The following SRD5A2 variants were observed in gnomAD, a reference collection of about 807,000 sequenced individuals.
SRD5A2 encodes steroid 5 alpha-reductase 2.
A neutral mutation model predicts 27.4 loss-of-function variants in SRD5A2; 30 were observed. The observed-to-expected ratio is 1.10, with a 90% confidence interval of 0.82 to 1.49. The LOEUF (loss-of-function observed/expected upper bound fraction) is 1.49, where lower values mean the gene tolerates loss of function less well. Among genes scored for constraint, SRD5A2 ranks in the 40% most tolerant of loss-of-function variants. SRD5A2 has a pLI of 0.00. For synonymous variants in SRD5A2, 141 were observed against 133.6 expected, an observed-to-expected ratio of 1.06 and a Z score of -0.38; for missense variants, 348 against 323.4, an observed-to-expected ratio of 1.08 and a Z score of -0.58.
At chr2:31,606,153 G>A in the SRD5A2 span, among the ~76,000 whole-genome samples, 1 of 151,870 alleles carries the variant, frequency 6.6e-6, no homozygotes, top group Non-Finnish European at 1.5e-5. Flanking sequence ...AGGCTGGGAA[G>A]GGTAGTGGGT....
At chr2:31,628,477 G>C in the SRD5A2 span, among the ~76,000 whole-genome samples, 1 of 152,036 alleles carries the variant, frequency 6.6e-6, no homozygotes, top group Non-Finnish European at 1.5e-5. Flanking sequence ...TGCATTCAAG[G>C]TTAGTATTGA....
Position 31,572,884 on chromosome 2 carries a change from C to A in SRD5A2, c.281+7736G>T, listed in dbSNP as rs533311929. Among the ~76,000 whole-genome samples the A allele has an allele frequency of 8.7e-4, 132 of 151,716 alleles. 1 individual carries two copies. Among genetic ancestry groups the A allele is most frequent in the African/African-American group, 2.9e-3 (122 of 41,366 alleles). ...TAGGATCAGCCTTAACAATATGGAG[C>A]AAATATTAAAAAAAAGAAATTGAAA... On this transcript the variant is annotated intron_variant, in intron 1 of 4. Coordinates refer to ENST00000622030, the MANE Select transcript of SRD5A2 (RefSeq NM_000348.4).
At chr2:31,654,263 G>A in the SRD5A2 span, among the ~76,000 whole-genome samples, 1 of 152,146 alleles carries the variant, frequency 6.6e-6, no homozygotes, top group Non-Finnish European at 1.5e-5. Context: ...AAAGTAGCAA[G>A]AGCCCAGCAG....
At chr2:31,578,819 G>T (rs976311219) in intron 1 of SRD5A2, among the ~76,000 whole-genome samples, 13 of 151,854 alleles carry the variant, frequency 8.6e-5, no homozygotes, top group Admixed American at 3.3e-4. Flanking sequence ...ATAATGTATT[G>T]TGCAAAGTGC....
the SRD5A2 span, among the ~76,000 whole-genome samples, chr2:31,662,284 T>G: frequency 6.6e-6 from 1 of 152,132 alleles, no homozygotes; most frequent in Non-Finnish European, 1.5e-5. Flanking sequence ...ACTCTGAACT[T>G]GTGAAGACTT....
At chr2:31,650,672 C>A in the SRD5A2 span, among the ~76,000 whole-genome samples, 1 of 152,154 alleles carries the variant, frequency 6.6e-6, no homozygotes, top group Non-Finnish European at 1.5e-5. Flanking sequence ...CTAGTTTTGC[C>A]AGCACTAAAA....
the SRD5A2 span, among the ~76,000 whole-genome samples, chr2:31,611,600 A>G: frequency 2.0e-5 from 3 of 152,212 alleles, no homozygotes; most frequent in African/African-American, 2.4e-5. Flanking sequence ...AGTGCTCAAC[A>G]TAATCCTGAA....
chr2:31,533,548 T>C (rs1396380525), intron 2 of SRD5A2, 55 bp downstream of exon 2: 5 of 1,508,502 alleles, frequency 3.3e-6, no homozygotes, highest in African/African-American at 2.8e-5. Context: ...GCGATGTAGA[T>C]TGTGGGAAGG....
the SRD5A2 span, among the ~76,000 whole-genome samples, chr2:31,622,171 C>T: frequency 6.6e-6 from 1 of 152,144 alleles, no homozygotes; most frequent in South Asian, 2.1e-4. Context: ...CCCCATGTGT[C>T]CATGTGTTCT....
chr2:31,533,841 A>G, intron 1 of SRD5A2, 75 bp from the exon 2 acceptor site: 1 of 1,482,486 alleles, frequency 6.7e-7, no homozygotes, highest in Non-Finnish European at 9.1e-7. Flanking sequence ...CTCTTTCTTA[A>G]GCTCACACCA....
chr2:31,641,641 A>C, the SRD5A2 span, among the ~76,000 whole-genome samples: 5 of 152,166 alleles, frequency 3.3e-5, no homozygotes, highest in Non-Finnish European at 5.9e-5. Flanking sequence ...ATTATTCCTA[A>C]GATAGAAAGG....
intron 1 of SRD5A2, among the ~76,000 whole-genome samples, chr2:31,577,162 TAAAAAAAAA>T (rs10683997): frequency 3.5e-5 from 2 of 57,174 alleles, no homozygotes; most frequent in African/African-American, 7.3e-5. Flanking sequence ...AAAAAAACAT[TAAAAAAAAA>T]AAAAAAAAAA....
the SRD5A2 span, among the ~76,000 whole-genome samples, chr2:31,588,161 A>G: frequency 2.0e-5 from 3 of 152,202 alleles, no homozygotes; most frequent in African/African-American, 7.2e-5. Context: ...TTATTGGTCT[A>G]AAGAGGACAT....
At chr2:31,662,500 G>A in the SRD5A2 span, among the ~76,000 whole-genome samples, 4 of 152,002 alleles carry the variant, frequency 2.6e-5, no homozygotes. Context: ...TAAATTTTTT[G>A]TAAGAAACAA....
At chr2:31,623,348 A>C in the SRD5A2 span, among the ~76,000 whole-genome samples, 2 of 152,118 alleles carry the variant, frequency 1.3e-5, no homozygotes, top group African/African-American at 4.8e-5. Flanking sequence ...AAGCAAGAAA[A>C]ATGCATTAAA....
chr2:31,589,041 T>C, the SRD5A2 span, among the ~76,000 whole-genome samples: 1 of 152,160 alleles, frequency 6.6e-6, no homozygotes, highest in African/African-American at 2.4e-5. Context: ...GCCAAAAAAC[T>C]GTGAGTTCCC....
the SRD5A2 span, among the ~76,000 whole-genome samples, chr2:31,659,717 T>C: frequency 1.3e-5 from 2 of 152,148 alleles, no homozygotes; most frequent in East Asian, 1.9e-4. Flanking sequence ...TCCACATTCA[T>C]GGATAGGAAG....
intron 1 of SRD5A2, among the ~76,000 whole-genome samples, chr2:31,561,020 C>A (rs1036712793): frequency 6.6e-6 from 1 of 152,066 alleles, no homozygotes; most frequent in Non-Finnish European, 1.5e-5. Flanking sequence ...AGAATCAAAC[C>A]TTCTATATAC....
chr2:31,620,931 TA>T, the SRD5A2 span, among the ~76,000 whole-genome samples: 5 of 146,936 alleles, frequency 3.4e-5, no homozygotes, highest in African/African-American at 1.2e-4. Flanking sequence ...TATATATATA[TA>T]AAATTATATT....
Sources: gnomAD v4.1 joint callset for allele counts (sites outside exome capture counted in the v4.1 genomes callset) on GRCh38, gnomAD v4.1.1 for gene constraint, MANE v1.5 for transcripts, NCBI Gene and HGNC (gene_info 2026-07-23, HGNC 2026-07-21) for gene names.